The following MYOZ1 variants were observed in gnomAD, a reference collection of about 807,000 sequenced individuals.
The protein encoded by MYOZ1 is myozenin-1.
A neutral mutation model predicts 28.7 loss-of-function variants in MYOZ1; 20 were observed. The observed-to-expected ratio is 0.70, with a 90% CI of 0.49 to 1.01. The LOEUF (loss-of-function observed/expected upper bound fraction) is 1.01, where lower values mean the gene tolerates loss of function less well. Ranked by LOEUF, MYOZ1 falls within the 50% of genes least tolerant of loss-of-function variation. MYOZ1 has a pLI of 0.00. For synonymous variants in MYOZ1, 144 were observed against 145.8 expected (o/e 0.99, Z 0.09); for missense variants, 371 against 372.4 (o/e 1.00, Z 0.03).
Position 73,638,668 on chromosome 10 carries a change from T to TTATTTATTTATTTATTTATTTATG in MYOZ1, c.74-747_74-746insCATAAATAAATAAATAAATAAATA, listed in dbSNP as rs1554958194. On this transcript the variant is annotated intron_variant, in intron 2 of 5. Transcript: ENST00000359322. ...TTTATTTATTTATTTATTTATTTAT[T>TTATTTATTTATTTATTTATTTATG]TATTTATTTATTTATTGAGTCAGAG... Among the ~76,000 whole-genome samples, 96 of 147,510 alleles carry TTATTTATTTATTTATTTATTTATG rather than the reference T, an allele frequency of 6.5e-4. 1 individual carries two copies. Among genetic ancestry groups the TTATTTATTTATTTATTTATTTATG allele is most frequent in the African/African-American group, 1.5e-3 (61 of 39,536 alleles).
Position 73,634,509 on chromosome 10 carries a change from T to C in MYOZ1, c.477A>G (p.Thr159=). Residue 159 remains threonine (T), a synonymous_variant, in exon 4 of 6, where the codon ACA becomes ACG. Transcript: ENST00000359322. ...GQAGRGGAAG[T]AGVGETGSGD... is the part of the protein sequence containing the mutation. ...CTGATCCTGTCTCACCAACCCCTGC[T>C]GTGCCAGCAGCTCCTCCTCTGCCAG... The C allele has an allele frequency of 1.2e-6, 2 of 1,614,174 alleles. No homozygotes were observed. Among genetic ancestry groups the C allele is most frequent in the Non-Finnish European group, 1.7e-6 (2 of 1,180,030 alleles).
intron 5 of MYOZ1, 60 bp downstream of exon 5, chr10:73,633,840 T>C: frequency 6.6e-7 from 1 of 1,513,940 alleles, no homozygotes; most frequent in Non-Finnish European, 8.9e-7. Flanking sequence ...GTCTCCATCC[T>C]AACTAAAGAC....
At position 73,636,193 on chromosome 10, in the gene MYOZ1, C is replaced by A. The variant is rs1322757532; in HGVS notation, c.253-1460G>T. 2.6e-5 allele frequency among the ~76,000 whole-genome samples: 4 copies of A among 152,214 alleles called. No individual in the cohort carries two copies. The East Asian group carries it at 7.7e-4, about 29-fold the overall frequency. ...AAGAAAGGAAATGGAGAAGGCCCTT[C>A]TTCCTCAGCTATACCATCCTGTGCC... On this transcript the variant is annotated intron_variant, in intron 3 of 5. Transcript: ENST00000359322.
At chr10:73,634,338 T>G (rs1008014580) in intron 4 of MYOZ1, 146 bp downstream of exon 4, 8 of 1,037,688 alleles carry the variant, frequency 7.7e-6, no homozygotes, top group Non-Finnish European at 1.1e-5. Context: ...ACCAAGATAT[T>G]TATGATATTT....
chr10:73,638,292 C>CATATATATATATATATATATATATATAT (rs56801610), intron 2 of MYOZ1, among the ~76,000 whole-genome samples: 5 of 143,182 alleles, frequency 3.5e-5, no homozygotes, highest in African/African-American at 1.3e-4. Context: ...ATACAGATGC[C>CATATATATATATATATATATATATATAT]ATATATATAT....
chr10:73,637,615 C>T, intron 3 of MYOZ1, 129 bp downstream of exon 3: 1 of 929,872 alleles, frequency 1.1e-6, no homozygotes, highest in Non-Finnish European at 1.6e-6. Context: ...CTCAATATAT[C>T]TGGGGGTTTA....
intron 5 of MYOZ1, among the ~76,000 whole-genome samples, chr10:73,632,623 C>G (rs553379398): frequency 4.0e-5 from 6 of 150,456 alleles, no homozygotes; most frequent in African/African-American, 7.3e-5. Flanking sequence ...ACACCCCCCC[C>G]CCAAAAAAAA....
intron 5 of MYOZ1, among the ~76,000 whole-genome samples, chr10:73,633,547 A>G (rs2081648852): frequency 6.6e-6 from 1 of 152,110 alleles, no homozygotes; most frequent in Non-Finnish European, 1.5e-5. Flanking sequence ...TGGGCGATAT[A>G]GCGAGACCCC....
Position 73,641,458 on chromosome 10 carries a change from G to A in MYOZ1, c.-66C>T, listed in dbSNP as rs1361034069. ...CTCTCCCTGGGGTCCAGCAGCTTTG[G>A]AGGACTGAGCTGCTGTGACCGGAGA... On this transcript the variant is annotated 5_prime_UTR_variant, in exon 1 of 6. Coordinates refer to ENST00000359322, the MANE Select transcript of MYOZ1 (RefSeq NM_021245.4). 2 of 152,336 alleles carry A rather than the reference G, an allele frequency of 1.3e-5. No homozygotes were observed. Among genetic ancestry groups the A allele is most frequent in the Non-Finnish European group, 2.9e-5 (2 of 68,124 alleles). The allele number at this position is 152,336 out of a possible 1,614,324, so 9.4% of individuals were successfully genotyped here. A position where few individuals can be genotyped will look rare whatever the true frequency, so the allele number is the denominator to read the frequency against.
intron 5 of MYOZ1, 122 bp downstream of exon 5, chr10:73,633,778 C>T: frequency 9.4e-7 from 1 of 1,066,290 alleles, no homozygotes; most frequent in Non-Finnish European, 1.3e-6. Flanking sequence ...TTGATTAGGA[C>T]CCCCATATCC....
At position 73,631,828 on chromosome 10, in the gene MYOZ1, C is replaced by G; in HGVS notation, c.*102G>C. ...AGATCTCTCCTTTTTCCCTCCATTC[C>G]CATAAGGATACTGGATTAACAATGG... On this transcript the variant is annotated 3_prime_UTR_variant, in exon 6 of 6. Transcript: ENST00000359322. 9.8e-7 allele frequency: 1 copy of G among 1,017,664 alleles called. No homozygotes were observed. Among genetic ancestry groups the G allele is most frequent in the Non-Finnish European group, 1.5e-6 (1 of 676,650 alleles). The allele number at this position is 1,017,664 out of a possible 1,614,324, so 63.0% of individuals were successfully genotyped here.
At chr10:73,633,282 A>G (rs1171880272) in intron 5 of MYOZ1, among the ~76,000 whole-genome samples, 1 of 152,136 alleles carries the variant, frequency 6.6e-6, no homozygotes, top group African/African-American at 2.4e-5. Flanking sequence ...GGGCAACAAG[A>G]GCAAAACTGA....
chr10:73,632,466 A>C (rs760987011), intron 5 of MYOZ1, among the ~76,000 whole-genome samples: 1 of 152,082 alleles, frequency 6.6e-6, no homozygotes, highest in Non-Finnish European at 1.5e-5. Context: ...ACCTTACATG[A>C]CAATGTAGAA....
At position 73,633,926 on chromosome 10, in the gene MYOZ1, T is replaced by C. The variant is rs898169151; in HGVS notation, c.642A>G (p.Glu214=). ...IDLLAYGAKA[E]LPKYKSFNRT... ...TGTTGAAGGACTTATATTTGGGAAGTTCAGCTTTGGCCCCATAGGCCAGCA... is the reference window on the plus strand; with the variant it reads ...TGTTGAAGGACTTATATTTGGGAAGCTCAGCTTTGGCCCCATAGGCCAGCA... Residue 214 remains glutamate (E), a synonymous_variant, in exon 5 of 6, where the codon GAA becomes GAG. Transcript: ENST00000359322. 1.7e-5 allele frequency: 28 copies of C among 1,612,140 alleles called. No homozygotes were observed. Among genetic ancestry groups the C allele is most frequent in the Admixed American group, 5.0e-5 (3 of 59,570 alleles).
chr10:73,640,947 T>C (rs1415496255), intron 1 of MYOZ1, among the ~76,000 whole-genome samples: 1 of 152,098 alleles, frequency 6.6e-6, no homozygotes, highest in Non-Finnish European at 1.5e-5. Flanking sequence ...GGTGTGGAAC[T>C]GGGAAGGGTA....
rs372121286 is a variant in MYOZ1, at chr10:73,638,858, G to T, written c.74-936C>A. On this transcript the variant is annotated intron_variant, in intron 2 of 5. Coordinates refer to ENST00000359322, the MANE Select transcript of MYOZ1 (RefSeq NM_021245.4). ...ATTTTTCTATTTTTGTAGAGACAGG[G>T]TTTCACCATGTTGGCCGGGCTGGTC... is the stretch of plus-strand genomic sequence containing the variant. 3.3e-3 allele frequency among the ~76,000 whole-genome samples: 501 copies of T among 150,418 alleles called. 1 individual carries two copies. The highest frequency in any genetic ancestry group is 0.011 in the African/African-American group (467 of 40,888).
chr10:73,638,406 C>T (rs2081681608), intron 2 of MYOZ1, among the ~76,000 whole-genome samples: 1 of 151,364 alleles, frequency 6.6e-6, no homozygotes. Flanking sequence ...GATCTCAGCT[C>T]ACTGCAGCCT....
At chr10:73,634,278 T>C (rs1402214435) in intron 4 of MYOZ1, among the ~76,000 whole-genome samples, 1 of 152,140 alleles carries the variant, frequency 6.6e-6, no homozygotes, top group East Asian at 1.9e-4. Flanking sequence ...AAAACAAGGC[T>C]TCTGGGTAGA....
At chr10:73,633,790 T>C in intron 5 of MYOZ1, 110 bp downstream of exon 5, 1 of 1,208,886 alleles carries the variant, frequency 8.3e-7, no homozygotes, top group Non-Finnish European at 1.2e-6. Flanking sequence ...CCCATATCCC[T>C]GCCATCTCTC....
Sources: gnomAD v4.1 joint callset for allele counts (sites outside exome capture counted in the v4.1 genomes callset) on GRCh38, gnomAD v4.1.1 for gene constraint, MANE v1.5 for transcripts, NCBI Gene and HGNC (gene_info 2026-07-23, HGNC 2026-07-21) for gene names.